ADAMTS18: variants seen among roughly 807,000 people sequenced by gnomAD.
The protein encoded by ADAMTS18 is ADAM metallopeptidase with thrombospondin type 1 motif 18.
A neutral mutation model predicts 165.9 loss-of-function variants in ADAMTS18; 157 were observed. The ratio of observed to expected loss-of-function variants is 0.95; its 90% confidence interval spans 0.83 to 1.08. The LOEUF (loss-of-function observed/expected upper bound fraction) is 1.08, where lower values mean the gene tolerates loss of function less well. Among genes scored for constraint, ADAMTS18 ranks in the 50% least tolerant of loss-of-function variants. The pLI is 0.00. For missense variants in ADAMTS18, 2,040 were observed against 1,534.0 expected (o/e 1.33, Z -5.51); for synonymous variants, 782 against 578.2 (o/e 1.35, Z -5.06).
At chr16:77,397,707 A>G (rs1232734657) in intron 3 of ADAMTS18, among the ~76,000 whole-genome samples, 1 of 152,268 alleles carries the variant, frequency 6.6e-6, no homozygotes, top group Non-Finnish European at 1.5e-5. Flanking sequence ...TTGCCCATGC[A>G]GAGCTTACAA....
chr16:77,382,760 T>A (rs945434580), intron 3 of ADAMTS18, among the ~76,000 whole-genome samples: 2 of 152,154 alleles, frequency 1.3e-5, no homozygotes, highest in African/African-American at 4.8e-5. Flanking sequence ...AGCTAGCATG[T>A]CTCGATTTAA....
intron 3 of ADAMTS18, among the ~76,000 whole-genome samples, chr16:77,409,265 G>A (rs182662095): frequency 2.6e-5 from 4 of 152,112 alleles, no homozygotes; most frequent in East Asian, 3.9e-4. Context: ...GAGAGAAAGC[G>A]GTATGTAGGA....
At chr16:77,391,767 G>C (rs553878507) in intron 3 of ADAMTS18, among the ~76,000 whole-genome samples, 1 of 152,186 alleles carries the variant, frequency 6.6e-6, no homozygotes, top group East Asian at 1.9e-4. Flanking sequence ...GAAAGAAAAG[G>C]TATTGTTTTG....
At chr16:77,434,174 TAAC>T (rs987759868) in intron 2 of ADAMTS18, among the ~76,000 whole-genome samples, 3 of 151,956 alleles carry the variant, frequency 2.0e-5, no homozygotes, top group South Asian at 4.1e-4. Context: ...TTGTTCTTCT[TAAC>T]AAGCCACCTG....
chr16:77,343,622 GGCCTGATT>G (rs1439040163), intron 10 of ADAMTS18, among the ~76,000 whole-genome samples: 2 of 152,238 alleles, frequency 1.3e-5, no homozygotes, highest in East Asian at 3.9e-4. Context: ...GCCTCAAGCT[GGCCTGATT>G]TCTGAGTCTA....
chr16:77,284,770 G>C (rs990725962), intron 22 of ADAMTS18, among the ~76,000 whole-genome samples: 2 of 152,136 alleles, frequency 1.3e-5, no homozygotes, highest in African/African-American at 4.8e-5. Context: ...TAAGGATATT[G>C]TTGTACCACT....
At chr16:77,414,315 A>G (rs1388013614) in intron 3 of ADAMTS18, among the ~76,000 whole-genome samples, 1 of 152,236 alleles carries the variant, frequency 6.6e-6, no homozygotes, top group Non-Finnish European at 1.5e-5. Flanking sequence ...TGTACTGCCC[A>G]AGACAGCAGC....
At chr16:77,341,207 G>A (rs1317291624) in intron 11 of ADAMTS18, among the ~76,000 whole-genome samples, 1 of 152,166 alleles carries the variant, frequency 6.6e-6, no homozygotes, top group East Asian at 1.9e-4. Context: ...AGGACCTTAG[G>A]TACACACTAG....
At chr16:77,295,240 C>A (rs1284420750) in intron 18 of ADAMTS18, 113 bp from the exon 19 acceptor site, 2 of 1,060,438 alleles carry the variant, frequency 1.9e-6, no homozygotes, top group Non-Finnish European at 2.8e-6. Context: ...ATTTCAGAAC[C>A]AATAAGATAA....
At chr16:77,317,847 C>T (rs1232410989) in intron 16 of ADAMTS18, among the ~76,000 whole-genome samples, 2 of 152,148 alleles carry the variant, frequency 1.3e-5, no homozygotes, top group Non-Finnish European at 2.9e-5. Flanking sequence ...GCCCGCTGTG[C>T]ATGGAACTGA....
intron 22 of ADAMTS18, among the ~76,000 whole-genome samples, chr16:77,284,431 G>A (rs1230303301): frequency 6.6e-6 from 1 of 151,998 alleles, no homozygotes; most frequent in Admixed American, 6.6e-5. Flanking sequence ...CCCAGCCTTT[G>A]GTGATTTGCA....
rs186430332 is a variant in ADAMTS18 at position 77,383,608 on chromosome 16, A to G, written c.496-15885T>C. ...ACCCAGGCTGGATTGCAGTGGCGCAATCTCAGCTCACTGCAACCTCCACCT... is the reference window on the plus strand; with the variant it reads ...ACCCAGGCTGGATTGCAGTGGCGCAGTCTCAGCTCACTGCAACCTCCACCT... On this transcript the variant is annotated intron_variant, in intron 3 of 22. Coordinates refer to ENST00000282849, the MANE Select transcript of ADAMTS18 (RefSeq NM_199355.4). Among the ~76,000 whole-genome samples the G allele has an allele frequency of 3.4e-4, 51 of 152,066 alleles. 1 individual carries two copies. Among genetic ancestry groups the G allele is most frequent in the Middle Eastern group, 6.8e-3 (2 of 294 alleles).
intron 3 of ADAMTS18, among the ~76,000 whole-genome samples, chr16:77,399,099 A>G (rs1442136979): frequency 6.6e-6 from 1 of 152,170 alleles, no homozygotes; most frequent in Non-Finnish European, 1.5e-5. Context: ...CTTTCATTCC[A>G]TGTGATTCAG....
At chr16:77,361,201 G>C (rs979399729) in intron 7 of ADAMTS18, among the ~76,000 whole-genome samples, 1 of 152,106 alleles carries the variant, frequency 6.6e-6, no homozygotes, top group African/African-American at 2.4e-5. Flanking sequence ...CTGCCACAGA[G>C]ACCTGTGGCC....
At chr16:77,320,240 A>T in intron 15 of ADAMTS18, 147 bp from the exon 16 acceptor site, 1 of 1,006,364 alleles carries the variant, frequency 9.9e-7, no homozygotes, top group Non-Finnish European at 1.5e-6. Flanking sequence ...TGAAGTAAAC[A>T]TGATCAATGA....
At chr16:77,361,880 A>G (rs558755671) in intron 7 of ADAMTS18, among the ~76,000 whole-genome samples, 1 of 127,148 alleles carries the variant, frequency 7.9e-6, no homozygotes. Context: ...GTGAAACTCC[A>G]TCTCAAATTA....
intron 3 of ADAMTS18, among the ~76,000 whole-genome samples, chr16:77,391,673 A>T (rs1467120704): frequency 1.3e-5 from 2 of 152,150 alleles, no homozygotes; most frequent in Non-Finnish European, 2.9e-5. Flanking sequence ...TAAATAACCT[A>T]TAATCTGCTG....
chr16:77,400,424 TTGTGTGTG>T lies in ADAMTS18; in HGVS notation c.495+30863_495+30870del, dbSNP rs145473637. Reference sequence around the variant, plus strand: ...AGTGAACATCCTATTTCAGGGGGAATTGTGTGTGTGTGTGTGTGTGTGTGTGTGTGTCT... The same window carrying T: ...AGTGAACATCCTATTTCAGGGGGAATTGTGTGTGTGTGTGTGTGTGTGTCT... On this transcript the variant is annotated intron_variant, in intron 3 of 22. Transcript: ENST00000282849. Among the ~76,000 whole-genome samples the T allele has an allele frequency of 7.6e-4, 104 of 136,086 alleles. 1 individual carries two copies. Among genetic ancestry groups the T allele is most frequent in the Middle Eastern group, 3.8e-3 (1 of 262 alleles). The allele number at this position is 136,086 out of a possible 152,430, so 89.3% of individuals were successfully genotyped here. A position where few individuals can be genotyped will look rare whatever the true frequency, so the allele number is the denominator to read the frequency against.
intron 10 of ADAMTS18, among the ~76,000 whole-genome samples, chr16:77,349,638 C>A (rs1035866904): frequency 6.6e-6 from 1 of 152,110 alleles, no homozygotes; most frequent in Non-Finnish European, 1.5e-5. Flanking sequence ...AATTTCCCGC[C>A]ATTTCCCCTT....
Sources: allele counts gnomAD v4.1 joint callset (sites outside exome capture counted in the v4.1 genomes callset), GRCh38; gene constraint gnomAD v4.1.1; transcripts MANE v1.5; gene names NCBI Gene and HGNC (gene_info 2026-07-23, HGNC 2026-07-21).